Variants in CNTNAP2 observed in about 807,000 individuals in gnomAD.
The protein encoded by CNTNAP2 is contactin-associated protein-like 2.
CNTNAP2 carries 98 observed loss-of-function variants against 155.2 expected under a neutral mutation model. That is an observed-to-expected ratio of 0.63 (90% CI 0.54 to 0.75). The LOEUF is 0.75. Among genes scored for constraint, CNTNAP2 ranks in the 30% least tolerant of loss-of-function variants. The probability of loss-of-function intolerance (pLI) is 0.00; values close to 1 mark genes in which losing one functional copy is unlikely to be tolerated. For missense variants in CNTNAP2, 1,727 were observed against 1,688.1 expected (o/e 1.02, Z -0.40); for synonymous variants, 651 against 631.2 (o/e 1.03, Z -0.47).
In CNTNAP2 at chr7:147,228,251, G is replaced by A. The variant is rs116500724; in HGVS notation, c.1349-71890G>A. On this transcript the variant is annotated intron_variant, in intron 8 of 23. Transcript: ENST00000361727. ...TGAAAGTGAGTTTTGCTACAAAGGG[G>A]ATCAGAAAAATTGGGTAATAGGTAC... Among the ~76,000 whole-genome samples, 362 of 152,274 alleles carry A rather than the reference G, an allele frequency of 2.4e-3. 2 individuals are homozygous for A. Among genetic ancestry groups the A allele is most frequent in the African/African-American group, 8.4e-3 (351 of 41,550 alleles).
At chr7:148,311,598 T>C (rs1797596916) in intron 21 of CNTNAP2, among the ~76,000 whole-genome samples, 1 of 152,016 alleles carries the variant, frequency 6.6e-6, no homozygotes, top group Non-Finnish European at 1.5e-5. Context: ...ATCCTCGAGC[T>C]TGATGTGTAG....
chr7:146,414,920 T>C (rs1312969141), intron 1 of CNTNAP2, among the ~76,000 whole-genome samples: 1 of 152,122 alleles, frequency 6.6e-6, no homozygotes, highest in Non-Finnish European at 1.5e-5. Flanking sequence ...AAGTACAGTC[T>C]CTTTTGGGGG....
At chr7:147,016,522 C>G (rs893572070) in intron 3 of CNTNAP2, among the ~76,000 whole-genome samples, 23 of 152,004 alleles carry the variant, frequency 1.5e-4, no homozygotes, top group African/African-American at 5.6e-4. Context: ...CTCAGGGCCT[C>G]TTAATAAGAA....
intron 13 of CNTNAP2, among the ~76,000 whole-genome samples, chr7:147,768,060 A>C (rs991890568): frequency 2.0e-5 from 3 of 152,140 alleles, no homozygotes; most frequent in Non-Finnish European, 2.9e-5. Context: ...CACTCTTGAC[A>C]GTCTTCCCTA....
chr7:146,480,538 A>G (rs1313322526), intron 1 of CNTNAP2, among the ~76,000 whole-genome samples: 1 of 151,852 alleles, frequency 6.6e-6, no homozygotes, highest in Non-Finnish European at 1.5e-5. Flanking sequence ...AAGTTGATGC[A>G]CCTTTGTAGT....
intron 3 of CNTNAP2, among the ~76,000 whole-genome samples, chr7:146,862,855 G>A (rs1795131592): frequency 6.6e-6 from 1 of 152,212 alleles, no homozygotes; most frequent in South Asian, 2.1e-4. Flanking sequence ...ACTCCAGGGT[G>A]TAATGTGGTC....
chr7:146,289,060 TC>T (rs80232867), intron 1 of CNTNAP2, among the ~76,000 whole-genome samples: 18,023 of 152,050 alleles, frequency 0.12, 3,183 homozygotes, highest in African/African-American at 0.39. Flanking sequence ...CGCCTTGGCT[TC>T]CCAAAGTGCT....
At chr7:148,014,309 T>C (rs1265025265) in intron 15 of CNTNAP2, 1 of 151,186 alleles carries the variant, frequency 6.6e-6, no homozygotes, top group East Asian at 1.9e-4. Flanking sequence ...TCTCTTTGAC[T>C]TGGTCTTGCA....
At chr7:147,617,026 C>G (rs1801306459) in intron 12 of CNTNAP2, among the ~76,000 whole-genome samples, 1 of 152,112 alleles carries the variant, frequency 6.6e-6, no homozygotes, top group Non-Finnish European at 1.5e-5. Context: ...CCCACTATTC[C>G]AGACCTTTCC....
At chr7:146,696,722 A>G (rs1800788740) in intron 1 of CNTNAP2, among the ~76,000 whole-genome samples, 1 of 152,086 alleles carries the variant, frequency 6.6e-6, no homozygotes, top group Non-Finnish European at 1.5e-5. Flanking sequence ...GTTGTATTTT[A>G]ATTTTCACTT....
intron 1 of CNTNAP2, among the ~76,000 whole-genome samples, chr7:146,514,321 T>G (rs1050213188): frequency 6.6e-6 from 1 of 152,086 alleles, no homozygotes; most frequent in Admixed American, 6.6e-5. Context: ...CTCTTTCTTC[T>G]CCTTGCTTTC....
intron 16 of CNTNAP2, among the ~76,000 whole-genome samples, chr7:148,139,593 G>A (rs1415481647): frequency 2.0e-5 from 3 of 151,928 alleles, no homozygotes; most frequent in Non-Finnish European, 4.4e-5. Context: ...GCGTGATCTC[G>A]GCTCACTGCA....
chr7:146,941,134 C>A (rs1045258994), intron 3 of CNTNAP2, among the ~76,000 whole-genome samples: 1 of 151,970 alleles, frequency 6.6e-6, no homozygotes, highest in Non-Finnish European at 1.5e-5. Flanking sequence ...TAGGTAATAA[C>A]TTACTACACT....
At chr7:147,721,534 T>A (rs910846167) in intron 13 of CNTNAP2, among the ~76,000 whole-genome samples, 2 of 152,048 alleles carry the variant, frequency 1.3e-5, no homozygotes, top group African/African-American at 4.8e-5. Flanking sequence ...AGGCTGACAT[T>A]TAGTCCCATG....
intron 8 of CNTNAP2, among the ~76,000 whole-genome samples, chr7:147,157,049 G>A (rs113864277): frequency 2.0e-5 from 3 of 152,172 alleles, no homozygotes; most frequent in African/African-American, 7.2e-5. Flanking sequence ...CTCCAGGCAT[G>A]GCTTTTTGAT....
At chr7:147,483,836 C>T (rs1295926098) in intron 10 of CNTNAP2, among the ~76,000 whole-genome samples, 2 of 152,170 alleles carry the variant, frequency 1.3e-5, no homozygotes, top group Non-Finnish European at 2.9e-5. Context: ...CGCCTCAGGG[C>T]CTGTACAGAA....
At chr7:148,075,837 C>A (rs1046923235) in intron 15 of CNTNAP2, among the ~76,000 whole-genome samples, 2 of 152,174 alleles carry the variant, frequency 1.3e-5, no homozygotes, top group African/African-American at 4.8e-5. Context: ...CCACATAGTA[C>A]CGTTGTTACA....
chr7:147,803,811 C>T (rs1798045876), intron 13 of CNTNAP2, among the ~76,000 whole-genome samples: 1 of 152,206 alleles, frequency 6.6e-6, no homozygotes, highest in Admixed American at 6.5e-5. Flanking sequence ...GCTGCCTTAT[C>T]TCACAAGAAC....
chr7:147,115,831 T>C (rs1800975470), intron 5 of CNTNAP2, among the ~76,000 whole-genome samples: 1 of 152,178 alleles, frequency 6.6e-6, no homozygotes, highest in African/African-American at 2.4e-5. Flanking sequence ...ATCTCAGCCT[T>C]AGCCCAGTTC....
Sources: gnomAD v4.1 joint callset for allele counts (sites outside exome capture counted in the v4.1 genomes callset) on GRCh38, gnomAD v4.1.1 for gene constraint, MANE v1.5 for transcripts, NCBI Gene and HGNC (gene_info 2026-07-23, HGNC 2026-07-21) for gene names.